Variants in GPR19 observed in about 807,000 individuals in gnomAD.
The protein encoded by GPR19 is probable G protein-coupled receptor 19.
Under a neutral mutation model 28.5 loss-of-function variants are expected in GPR19, and 14 were observed. The ratio of observed to expected loss-of-function variants is 0.49; its 90% CI spans 0.32 to 0.77. GPR19 has a LOEUF of 0.77. Among genes scored for constraint, GPR19 ranks in the 30% least tolerant of loss-of-function variants. GPR19 has a pLI of 0.03. For missense variants in GPR19, 409 were observed against 504.1 expected (o/e 0.81, Z 1.81); for synonymous variants, 173 against 184.1 (o/e 0.94, Z 0.49).
At chr12:12,686,125 C>T (rs1021540660) in intron 2 of GPR19, among the ~76,000 whole-genome samples, 2 of 152,198 alleles carry the variant, frequency 1.3e-5, no homozygotes, top group African/African-American at 4.8e-5. Flanking sequence ...TTGTTTCTAA[C>T]TCAGAATCCT....
chr12:12,694,550 A>G (rs1946235489), intron 2 of GPR19, among the ~76,000 whole-genome samples: 1 of 152,100 alleles, frequency 6.6e-6, no homozygotes, highest in South Asian at 2.1e-4. Flanking sequence ...AGACGGACCT[A>G]CGATGCACAG....
intron 3 of GPR19, among the ~76,000 whole-genome samples, chr12:12,676,796 C>T (rs1945938399): frequency 6.6e-6 from 1 of 152,304 alleles, no homozygotes; most frequent in South Asian, 2.1e-4. Flanking sequence ...ACAATTTGGC[C>T]AAGGAATTTG....
intron 3 of GPR19, among the ~76,000 whole-genome samples, chr12:12,674,027 C>A (rs1945895157): frequency 6.6e-6 from 1 of 151,896 alleles, no homozygotes; most frequent in Admixed American, 6.6e-5. Flanking sequence ...GCCTGGCCAA[C>A]ATGGCAAAAT....
chr12:12,708,357 A>AT, the GPR19 span, among the ~76,000 whole-genome samples: 5 of 151,756 alleles, frequency 3.3e-5, no homozygotes, highest in Non-Finnish European at 7.4e-5. Context: ...TGCCTGATGC[A>AT]TTTTTTTTCT....
chr12:12,679,237 T>C lies in GPR19; in HGVS notation c.-23+5114A>G, dbSNP rs145923178. On this transcript the variant is annotated intron_variant, in intron 3 of 3. Coordinates refer to ENST00000651487, the MANE Select transcript of GPR19 (RefSeq NM_006143.3). ...TGTCTAGAGACATTTTTAGTTGTCA[T>C]GTCTGAGAGAGGGAAGTGTTACTGA... 4.3e-4 allele frequency among the ~76,000 whole-genome samples: 66 copies of C among 152,158 alleles called. 1 individual carries two copies. The highest frequency in any genetic ancestry group is 1.5e-3 in the African/African-American group (63 of 41,510).
intron 2 of GPR19, among the ~76,000 whole-genome samples, chr12:12,687,317 CCTTAG>C (rs1566160512): frequency 2.0e-5 from 3 of 152,160 alleles, no homozygotes; most frequent in African/African-American, 7.2e-5. Flanking sequence ...TTATTTCTGC[CCTTAG>C]CTTGTCATCA....
At chr12:12,701,600 C>CA in the GPR19 span, among the ~76,000 whole-genome samples, 2 of 152,144 alleles carry the variant, frequency 1.3e-5, no homozygotes, top group African/African-American at 4.8e-5. Flanking sequence ...TACTCAATTA[C>CA]CCCTTTCTCC....
Position 12,661,801 on chromosome 12 carries a change from G to C in GPR19, c.648C>G (p.Ser216=), listed in dbSNP as rs1945678267. The C allele has an allele frequency of 3.7e-6, 6 of 1,613,872 alleles. No individual in the cohort carries two copies. In the South Asian group the frequency reaches 4.4e-5, roughly 12 times the overall value. The stretch of plus-strand genomic sequence containing the variant: ...CAGTGTAGGCAGTGCCTTCCCAAGA[G>C]GAGGGGAGGAAATAGTTACAATGAC... ...WDSHCNYFLP[S]SWEGTAYTVI... The change falls in exon 4 of 4, where the codon TCC becomes TCG. Residue 216 remains serine (S), a synonymous_variant. Transcript: ENST00000651487. The surrounding 1 kb of genome is among the most constrained non-coding windows in gnomAD (Gnocchi z 4.2).
At chr12:12,663,158 C>A (rs1333797657) in intron 3 of GPR19, among the ~76,000 whole-genome samples, 1 of 152,140 alleles carries the variant, frequency 6.6e-6, no homozygotes, top group Non-Finnish European at 1.5e-5. Context: ...TAGCTTGCCA[C>A]CTACCAGTGA....
intron 3 of GPR19, among the ~76,000 whole-genome samples, chr12:12,683,916 C>A (rs1460659659): frequency 2.0e-5 from 3 of 147,718 alleles, no homozygotes; most frequent in African/African-American, 7.5e-5. Context: ...TCACACAGCA[C>A]AAAGGAACAG....
At chr12:12,681,614 C>T (rs1275684545) in intron 3 of GPR19, among the ~76,000 whole-genome samples, 1 of 152,202 alleles carries the variant, frequency 6.6e-6, no homozygotes, top group Admixed American at 6.5e-5. Flanking sequence ...GCATGTAGCA[C>T]TTGCCAGCTG....
the GPR19 span, among the ~76,000 whole-genome samples, chr12:12,702,522 G>C: frequency 1.3e-5 from 2 of 152,146 alleles, no homozygotes; most frequent in Admixed American, 6.5e-5. Context: ...ATATAGACCT[G>C]TGATAAATCT....
At chr12:12,673,998 G>A (rs2136324736) in intron 3 of GPR19, among the ~76,000 whole-genome samples, 1 of 152,144 alleles carries the variant, frequency 6.6e-6, no homozygotes, top group East Asian at 1.9e-4. Flanking sequence ...GATCACTTGA[G>A]GTCAGGAGTT....
At chr12:12,707,680 T>C in the GPR19 span, among the ~76,000 whole-genome samples, 1 of 152,228 alleles carries the variant, frequency 6.6e-6, no homozygotes, top group East Asian at 1.9e-4. Context: ...ATGTGGTGGA[T>C]TGGTAATAAA....
At chr12:12,705,638 C>G in the GPR19 span, among the ~76,000 whole-genome samples, 1 of 151,894 alleles carries the variant, frequency 6.6e-6, no homozygotes, top group East Asian at 1.9e-4. Context: ...GCCTTGAACT[C>G]CTGGGTTCAA....
rs773594975 is a variant in GPR19 at position 12,661,253 on chromosome 12, T to C, written c.1196A>G (p.Glu399Gly). 143 of 1,612,758 alleles carry C rather than the reference T, an allele frequency of 8.9e-5. No individual in the cohort carries two copies. The highest frequency in any genetic ancestry group is 1.2e-4 in the Non-Finnish European group (136 of 1,179,512). Residue 399 changes from glutamate to glycine, a missense_variant, in exon 4 of 4, where the codon GAA (glutamate) becomes GGA (glycine). Glu to Gly is a moderately conservative substitution (Grantham distance 98). Coordinates refer to ENST00000651487, the MANE Select transcript of GPR19 (RefSeq NM_006143.3). The surrounding 1 kb of genome is among the most constrained non-coding windows in gnomAD (Gnocchi z 4.2). The stretch of plus-strand genomic sequence containing the variant: ...GTTAATGGGCCAAGCAAGCTTTTTT[T>C]CCTTGGCTTCTCTGTCAAATGAGTC... ...IYDSFDREAK[E>G]KKLAWPINSN...
At chr12:12,700,179 CTTTATTT>C (rs1024485577), upstream of GPR19, among the ~76,000 whole-genome samples, 172 of 129,014 alleles carry the variant, frequency 1.3e-3, 1 homozygote, top group African/African-American at 4.5e-3. Context: ...CTCTCTGTCC[CTTTATTT>C]TTTATTTTTT....
chr12:12,695,989 T>C (rs1208270017), intron 1 of GPR19, 76 bp downstream of exon 1: 2 of 152,210 alleles, frequency 1.3e-5, no homozygotes, highest in East Asian at 3.8e-4. Flanking sequence ...CCCACTCCTT[T>C]ACTACTTCAG....
intron 3 of GPR19, among the ~76,000 whole-genome samples, chr12:12,664,136 C>T (rs565477058): frequency 1.3e-3 from 198 of 152,168 alleles, no homozygotes; most frequent in Non-Finnish European, 2.0e-3. Context: ...ACTAGAGGCG[C>T]GTGCCACCAT....
Sources: gnomAD v4.1 joint callset for allele counts (sites outside exome capture counted in the v4.1 genomes callset) on GRCh38, gnomAD v4.1.1 for gene constraint, Gnocchi (gnomAD v3.1) non-coding constraint, MANE v1.5 for transcripts, NCBI Gene and HGNC (gene_info 2026-07-23, HGNC 2026-07-21) for gene names.